The following CHIA variants were observed in gnomAD, a reference collection of about 807,000 sequenced individuals.
CHIA encodes the protein chitinase acidic.
In CHIA, 47 loss-of-function variants were observed where a neutral mutation model predicts 53.5. The ratio of observed to expected loss-of-function variants is 0.88; its 90% CI spans 0.70 to 1.12. The LOEUF (loss-of-function observed/expected upper bound fraction) is 1.12, where lower values mean the gene tolerates loss of function less well. CHIA is among the 50% of genes most tolerant of loss of function. The pLI, the probability that CHIA is intolerant of heterozygous loss-of-function variation, is 0.00. For synonymous variants in CHIA, 268 were observed against 222.2 expected, an observed-to-expected ratio of 1.21 and a Z score of -1.83; for missense variants, 652 against 592.2, an observed-to-expected ratio of 1.10 and a Z score of -1.05.
rs140570436 is a variant in CHIA, at chr1:111,318,120, G to A, written c.729+11G>A. The A allele has an allele frequency of 6.2e-7, 1 of 1,601,562 alleles. No homozygotes were observed. The highest frequency in any genetic ancestry group is 1.7e-5 in the Admixed American group (1 of 59,678). ...GCCTACCTCAATGTGGTGAGTCCCT[G>A]TACAGATGCAAGAGCAGACCAGAGA... is the stretch of plus-strand genomic sequence containing the variant. On this transcript the variant is annotated intron_variant, in intron 8 of 11. Transcript: ENST00000369740.
intron 2 of CHIA, among the ~76,000 whole-genome samples, chr1:111,310,743 T>C (rs919993412): frequency 5.9e-5 from 9 of 152,240 alleles, no homozygotes; most frequent in Admixed American, 3.3e-4. Flanking sequence ...AAAAGCATAC[T>C]TTCTCCTAGT....
intron 6 of CHIA, chr1:111,315,795 G>A (rs1032263417): frequency 4.4e-6 from 2 of 459,428 alleles, no homozygotes; most frequent in African/African-American, 2.0e-5. Context: ...CAACTAGTAG[G>A]AATCATAACT....
chr1:111,301,391 T>A (rs1470723911), intron 1 of CHIA, among the ~76,000 whole-genome samples: 1 of 152,102 alleles, frequency 6.6e-6, no homozygotes, highest in Admixed American at 6.5e-5. Context: ...CATGAAATGC[T>A]ATGCAGCCAT....
At position 111,317,687 on chromosome 1, in the gene CHIA, C is replaced by G; in HGVS notation, c.487C>G (p.Arg163Gly). The change falls in exon 7 of 12, where the codon CGT becomes GGT. Residue 163 changes from arginine (R) to glycine (G), a missense_variant. Transcript: ENST00000369740. ...ATGCCTTATTATTCTGTAGGAAATG[C>G]GTGAAGCTTTTGAGCAGGAGGCCAA... ...HLFTVLVQEM[R>G]EAFEQEAKQI... The G allele has an allele frequency of 6.2e-7, 1 of 1,614,070 alleles. No individual in the cohort carries two copies. The highest frequency in any genetic ancestry group is 8.5e-7 in the Non-Finnish European group (1 of 1,179,982).
chr1:111,304,289 G>C (rs1043456199), intron 1 of CHIA, among the ~76,000 whole-genome samples: 2 of 152,136 alleles, frequency 1.3e-5, no homozygotes, highest in African/African-American at 4.8e-5. Context: ...TCAAATTTGG[G>C]AAGTGTTAGG....
At chr1:111,310,522 A>G (rs748560101) in intron 2 of CHIA, 30 bp downstream of exon 2, 22 of 1,613,936 alleles carry the variant, frequency 1.4e-5, no homozygotes, top group Non-Finnish European at 1.9e-5. Context: ...TTGACCCTTC[A>G]TCTTATCTAG....
intron 1 of CHIA, among the ~76,000 whole-genome samples, chr1:111,297,161 A>T (rs563415237): frequency 1.3e-5 from 2 of 152,354 alleles, no homozygotes; most frequent in East Asian, 1.9e-4. Flanking sequence ...GCAGGATATT[A>T]TCCAGGAGAA....
At chr1:111,295,624 G>A (rs550688492) in intron 1 of CHIA, among the ~76,000 whole-genome samples, 11 of 106,712 alleles carry the variant, frequency 1.0e-4, no homozygotes, top group East Asian at 6.0e-4. Context: ...CTGAGGTACC[G>A]GGTTCATCTC....
In CHIA at chr1:111,317,694, C is replaced by A; in HGVS notation, c.494C>A (p.Ala165Asp). Residue 165 changes from alanine (A) to aspartate (D), a missense_variant, in exon 7 of 12, where the codon GCT (alanine) becomes GAT (aspartate). Ala to Asp is a moderately radical substitution (Grantham distance 126). Coordinates refer to ENST00000369740, the MANE Select transcript of CHIA (RefSeq NM_201653.4). The stretch of plus-strand genomic sequence containing the variant: ...ATTATTCTGTAGGAAATGCGTGAAG[C>A]TTTTGAGCAGGAGGCCAAGCAGATC... ...FTVLVQEMRE[A>D]FEQEAKQINK... The A allele has an allele frequency of 3.1e-6, 5 of 1,614,148 alleles. No individual in the cohort carries two copies. The highest frequency in any genetic ancestry group is 3.4e-6 in the Non-Finnish European group (4 of 1,180,014).
intron 6 of CHIA, chr1:111,315,915 T>G (rs1260548155): frequency 1.0e-5 from 1 of 100,240 alleles, no homozygotes; most frequent in South Asian, 1.2e-4. Context: ...AATATAAGAA[T>G]AAGACACTAT....
At chr1:111,294,591 T>G (rs747005913) in intron 1 of CHIA, among the ~76,000 whole-genome samples, 1 of 152,346 alleles carries the variant, frequency 6.6e-6, no homozygotes, top group Non-Finnish European at 1.5e-5. Context: ...TGAATAGAAG[T>G]GGCAAAAGAA....
intron 1 of CHIA, among the ~76,000 whole-genome samples, chr1:111,303,843 T>C (rs1263182857): frequency 1.3e-5 from 2 of 152,220 alleles, no homozygotes; most frequent in African/African-American, 2.4e-5. Flanking sequence ...ACTTTGTTTA[T>C]TCATATGGCA....
chr1:111,293,670 G>A (rs984498252), intron 1 of CHIA, among the ~76,000 whole-genome samples: 1 of 152,168 alleles, frequency 6.6e-6, no homozygotes, highest in Non-Finnish European at 1.5e-5. Flanking sequence ...GAAGTCCAAT[G>A]TTATGAACTG....
At chr1:111,313,500 G>C (rs1571295229) in intron 4 of CHIA, among the ~76,000 whole-genome samples, 1 of 151,968 alleles carries the variant, frequency 6.6e-6, no homozygotes, top group Admixed American at 6.6e-5. Context: ...CAGGTTATTT[G>C]GTTTCTTACT....
chr1:111,309,167 C>T (rs1244699147), intron 1 of CHIA, among the ~76,000 whole-genome samples: 5 of 152,192 alleles, frequency 3.3e-5, no homozygotes, highest in African/African-American at 1.2e-4. Flanking sequence ...TGCACATGCA[C>T]CCTGGAACTA....
chr1:111,310,600 A>C (rs1349205188), intron 2 of CHIA, 108 bp downstream of exon 2: 1 of 1,550,064 alleles, frequency 6.5e-7, no homozygotes, highest in Non-Finnish European at 8.7e-7. Flanking sequence ...ATACTTTTCC[A>C]TTCTTCTTTC....
chr1:111,315,482 T>C, intron 6 of CHIA, 47 bp downstream of exon 6: 1 of 1,580,882 alleles, frequency 6.3e-7, no homozygotes, highest in Non-Finnish European at 8.6e-7. Flanking sequence ...TTCAAAGTCT[T>C]TCTTTCCGAG....
rs796890454 is a variant in CHIA at position 111,310,418 on chromosome 1, CAG to C, written c.-48_-47del. On this transcript the variant is annotated 5_prime_UTR_variant, in exon 2 of 12. Transcript: ENST00000369740. ...TATTTAGAAGCCTTTGTGATAACCA[CAG>C]AATCAGAACATATAAAAAGCTCTGC... The C allele has an allele frequency of 2.5e-6, 4 of 1,607,962 alleles. No homozygotes were observed. In the African/African-American group the frequency reaches 5.4e-5, roughly 22 times the overall value.
Position 111,314,553 on chromosome 1 carries a change from A to C in CHIA, c.271A>C (p.Lys91Gln), listed in dbSNP as rs565732253. The change falls in exon 5 of 12, where the codon AAA becomes CAA. Residue 91 changes from lysine (K) to glutamine (Q), a missense_variant. By Grantham distance (53) the Lys-to-Gln change is moderately conservative. Coordinates refer to ENST00000369740, the MANE Select transcript of CHIA (RefSeq NM_201653.4). Reference sequence around the variant, plus strand: ...TTTGTTTTACAGGAACAGCCAGCTGAAAACTCTCCTGGCCATTGGAGGCTG... The same window carrying C: ...TTTGTTTTACAGGAACAGCCAGCTGCAAACTCTCCTGGCCATTGGAGGCTG... The part of the protein sequence containing the change: ...NGLKNKNSQL[K>Q]TLLAIGGWNF... 1.2e-6 allele frequency: 2 copies of C among 1,612,414 alleles called. No homozygotes were observed. Among genetic ancestry groups the C allele is most frequent in the East Asian group, 4.5e-5 (2 of 44,872 alleles).
Sources: gnomAD v4.1 joint callset for allele counts (sites outside exome capture counted in the v4.1 genomes callset) on GRCh38, gnomAD v4.1.1 for gene constraint, MANE v1.5 for transcripts, NCBI Gene and HGNC (gene_info 2026-07-23, HGNC 2026-07-21) for gene names.